FRMD4A: variants seen among roughly 807,000 people sequenced by gnomAD.
FRMD4A encodes the protein FERM domain-containing protein 4A.
In FRMD4A, 29 loss-of-function variants were observed where a neutral mutation model predicts 129.1. The ratio of observed to expected loss-of-function variants is 0.22; its 90% CI spans 0.17 to 0.31. FRMD4A has a LOEUF of 0.31. FRMD4A is among the 10% of genes least tolerant of loss of function. The probability of loss-of-function intolerance (pLI) is 1.00; values close to 1 mark genes in which losing one functional copy is unlikely to be tolerated. For synonymous variants in FRMD4A, 634 were observed against 571.6 expected, an observed-to-expected ratio of 1.11 and a Z score of -1.56; for missense variants, 1,272 against 1,375.8, an observed-to-expected ratio of 0.92 and a Z score of 1.19.
intron 2 of FRMD4A, among the ~76,000 whole-genome samples, chr10:14,237,355 G>A (rs1221465900): frequency 6.6e-6 from 1 of 152,004 alleles, no homozygotes; most frequent in Non-Finnish European, 1.5e-5. Context: ...TTTTGAGATG[G>A]TGTCACACTC....
intron 2 of FRMD4A, among the ~76,000 whole-genome samples, chr10:14,066,173 G>A (rs1458615709): frequency 1.3e-5 from 2 of 152,102 alleles, no homozygotes; most frequent in African/African-American, 4.8e-5. Context: ...TTGATTCAGA[G>A]TTGCAGAAAG....
chr10:14,268,515 A>AT (rs1845054973), intron 2 of FRMD4A, among the ~76,000 whole-genome samples: 1 of 152,170 alleles, frequency 6.6e-6, no homozygotes, highest in Non-Finnish European at 1.5e-5. Context: ...CGATTTATTT[A>AT]TTTTTTCATT....
At chr10:14,128,062 T>TTCTC (rs1362751498) in intron 2 of FRMD4A, among the ~76,000 whole-genome samples, 4 of 63,428 alleles carry the variant, frequency 6.3e-5, no homozygotes, top group African/African-American at 2.3e-4. Flanking sequence ...CTTTCTTTCT[T>TTCTC]TCTTTCTTTC....
intron 2 of FRMD4A, among the ~76,000 whole-genome samples, chr10:14,139,725 C>T (rs1321194165): frequency 6.6e-6 from 1 of 152,202 alleles, no homozygotes; most frequent in East Asian, 1.9e-4. Flanking sequence ...GTTAAGATTA[C>T]AGACATGAGT....
At chr10:14,140,992 G>A (rs1228585530) in intron 2 of FRMD4A, among the ~76,000 whole-genome samples, 1 of 152,136 alleles carries the variant, frequency 6.6e-6, no homozygotes, top group East Asian at 1.9e-4. Flanking sequence ...CCACAGGGAA[G>A]TGGCAGTCCA....
chr10:13,651,225 G>T (rs2081550384), intron 24 of FRMD4A: 1 of 152,216 alleles, frequency 6.6e-6, no homozygotes, highest in East Asian at 1.9e-4. Flanking sequence ...AAAAATGTTG[G>T]CTTATGGACA....
intron 13 of FRMD4A, among the ~76,000 whole-genome samples, chr10:13,702,154 C>T (rs188371122): frequency 1.3e-5 from 2 of 152,290 alleles, no homozygotes; most frequent in East Asian, 1.9e-4. Flanking sequence ...TCACTGCAAC[C>T]TCCACCTCCC....
At chr10:14,102,749 C>T (rs1314843854) in intron 2 of FRMD4A, among the ~76,000 whole-genome samples, 1 of 135,692 alleles carries the variant, frequency 7.4e-6, no homozygotes, top group Non-Finnish European at 1.6e-5. Context: ...GTACAACTTT[C>T]TTGAGTCTTG....
At chr10:13,847,424 A>G (rs891528345) in intron 3 of FRMD4A, among the ~76,000 whole-genome samples, 1 of 152,134 alleles carries the variant, frequency 6.6e-6, no homozygotes, top group Admixed American at 6.5e-5. Flanking sequence ...ATTTCCCCAG[A>G]CCGTTCGCTT....
At chr10:13,974,242 C>T (rs551319882) in intron 2 of FRMD4A, among the ~76,000 whole-genome samples, 4 of 152,186 alleles carry the variant, frequency 2.6e-5, no homozygotes, top group Non-Finnish European at 2.9e-5. Flanking sequence ...TATAAAGGTG[C>T]TATAATAAGC....
At chr10:13,972,461 C>T (rs150681333) in intron 2 of FRMD4A, 11 of 228,100 alleles carry the variant, frequency 4.8e-5, no homozygotes, top group Non-Finnish European at 6.5e-5. Flanking sequence ...GGAAAGAATA[C>T]TTATCTGATG....
At chr10:13,881,888 C>A (rs115942044) in intron 2 of FRMD4A, among the ~76,000 whole-genome samples, 3 of 150,866 alleles carry the variant, frequency 2.0e-5, no homozygotes, top group African/African-American at 4.9e-5. Context: ...TGAGTAGGTG[C>A]GTCCCAGGCA....
At chr10:13,918,718 G>A (rs954319968) in intron 2 of FRMD4A, among the ~76,000 whole-genome samples, 2 of 151,966 alleles carry the variant, frequency 1.3e-5, no homozygotes, top group African/African-American at 4.8e-5. Flanking sequence ...TAGTAGAGAT[G>A]GGGTTTTGCC....
intron 2 of FRMD4A, among the ~76,000 whole-genome samples, chr10:14,069,798 GC>G (rs1398901963): frequency 1.3e-5 from 2 of 152,026 alleles, no homozygotes; most frequent in African/African-American, 2.4e-5. Flanking sequence ...GTTTCAAAAA[GC>G]TTTTTAATAT....
At chr10:13,902,149 T>A (rs774270430) in intron 2 of FRMD4A, among the ~76,000 whole-genome samples, 1 of 88,980 alleles carries the variant, frequency 1.1e-5, no homozygotes, top group Non-Finnish European at 2.4e-5. Context: ...CCTGAGTAGC[T>A]GGGGCTACAG....
chr10:13,977,167 G>A (rs190142446), intron 2 of FRMD4A, among the ~76,000 whole-genome samples: 107 of 152,322 alleles, frequency 7.0e-4, no homozygotes, highest in Non-Finnish European at 1.2e-3. Context: ...CCCATCGGTC[G>A]TATTTTCTGG....
intron 4 of FRMD4A, among the ~76,000 whole-genome samples, chr10:13,802,003 C>CAAAAAAAAAAAAAAAA (rs11426622): frequency 9.1e-6 from 1 of 109,506 alleles, no homozygotes; most frequent in African/African-American, 3.4e-5. Flanking sequence ...AATAATAATG[C>CAAAAAAAAAAAAAAAA]AAAAAAAAAA....
chr10:14,073,739 C>T (rs935850146), intron 2 of FRMD4A, among the ~76,000 whole-genome samples: 1 of 152,138 alleles, frequency 6.6e-6, no homozygotes, highest in South Asian at 2.1e-4. Flanking sequence ...GACCTACCCA[C>T]TGGTCAAGAT....
At chr10:14,060,926 G>C (rs895521656) in intron 2 of FRMD4A, among the ~76,000 whole-genome samples, 2 of 152,020 alleles carry the variant, frequency 1.3e-5, no homozygotes, top group African/African-American at 4.8e-5. Context: ...AATGTTAATA[G>C]ACTGACTCAC....
Sources: gnomAD v4.1 joint callset for allele counts (sites outside exome capture counted in the v4.1 genomes callset) on GRCh38, gnomAD v4.1.1 for gene constraint, MANE v1.5 for transcripts, NCBI Gene and HGNC (gene_info 2026-07-23, HGNC 2026-07-21) for gene names.